Variants in KIAA1217 observed in about 807,000 individuals in gnomAD.
KIAA1217 encodes KIAA1217, also known as sickle tail protein homolog.
KIAA1217 carries 88 observed loss-of-function variants against 163.9 expected under a neutral mutation model. The observed-to-expected ratio is 0.54, with a 90% CI of 0.45 to 0.64. KIAA1217 has a LOEUF of 0.64. Ranked by LOEUF, KIAA1217 falls within the 30% of genes least tolerant of loss-of-function variation. KIAA1217 has a pLI of 0.00. For synonymous variants in KIAA1217, 903 were observed against 923.1 expected, an observed-to-expected ratio of 0.98 and a Z score of 0.39; for missense variants, 2,372 against 2,475.0, an observed-to-expected ratio of 0.96 and a Z score of 0.88.
At chr10:24,229,882 T>C (rs539067653) in intron 2 of KIAA1217, among the ~76,000 whole-genome samples, 1 of 152,270 alleles carries the variant, frequency 6.6e-6, no homozygotes, top group South Asian at 2.1e-4. Flanking sequence ...AAATCTAGTA[T>C]ACTGTGTGCA....
chr10:24,348,865 G>A (rs1353833435), intron 2 of KIAA1217, among the ~76,000 whole-genome samples: 1 of 152,094 alleles, frequency 6.6e-6, no homozygotes, highest in Non-Finnish European at 1.5e-5. Flanking sequence ...AACAGCTGGG[G>A]GCTGGGCACA....
intron 2 of KIAA1217, among the ~76,000 whole-genome samples, chr10:24,231,179 G>A (rs937987706): frequency 6.6e-6 from 1 of 152,186 alleles, no homozygotes; most frequent in Non-Finnish European, 1.5e-5. Context: ...AAGCAGTAGT[G>A]TGCCTGCCTG....
chr10:23,818,005 A>G lies in KIAA1217; in HGVS notation c.-321+122771A>G, dbSNP rs1397443224. On this transcript the variant is annotated intron_variant, in intron 1 of 18. Transcript: ENST00000376462. Reference sequence around the variant, plus strand: ...TATATATATATATATATATATATATATATACACACATATATATACACACAT... The same window carrying G: ...TATATATATATATATATATATATATGTATACACACATATATATACACACAT... Among the ~76,000 whole-genome samples, 2 of 111,918 alleles carry G rather than the reference A, an allele frequency of 1.8e-5. 1 individual carries two copies. Among genetic ancestry groups the G allele is most frequent in the Middle Eastern group, 8.6e-3 (2 of 232 alleles). The allele number at this position is 111,918 out of a possible 152,430, so 73.4% of individuals were successfully genotyped here. A position where few individuals can be genotyped will look rare whatever the true frequency, so the allele number is the denominator to read the frequency against.
At chr10:24,037,239 G>T (rs1848431237) in intron 2 of KIAA1217, among the ~76,000 whole-genome samples, 1 of 152,172 alleles carries the variant, frequency 6.6e-6, no homozygotes, top group Admixed American at 6.5e-5. Context: ...GCCAAGGCAG[G>T]AGGATCACCT....
intron 1 of KIAA1217, among the ~76,000 whole-genome samples, chr10:23,893,158 A>C (rs1389010474): frequency 6.6e-6 from 1 of 151,958 alleles, no homozygotes; most frequent in African/African-American, 2.4e-5. Flanking sequence ...GATTATTGTC[A>C]CAATTTCAGA....
intron 1 of KIAA1217, among the ~76,000 whole-genome samples, chr10:24,006,965 G>T (rs1484775014): frequency 6.6e-6 from 1 of 152,104 alleles, no homozygotes; most frequent in African/African-American, 2.4e-5. Context: ...TGACTTAGTC[G>T]AATGTGTTTA....
At chr10:24,177,298 T>TAA (rs58744670) in intron 2 of KIAA1217, among the ~76,000 whole-genome samples, 1 of 68,616 alleles carries the variant, frequency 1.5e-5, no homozygotes, top group South Asian at 5.6e-4. Flanking sequence ...TATATATATA[T>TAA]TACAATTTCT....
At chr10:23,906,747 G>T (rs951357564) in intron 1 of KIAA1217, among the ~76,000 whole-genome samples, 1 of 152,114 alleles carries the variant, frequency 6.6e-6, no homozygotes, top group Non-Finnish European at 1.5e-5. Context: ...TACTGCTGGA[G>T]CTCTCATAGG....
At chr10:24,149,772 G>A (rs532236991) in intron 2 of KIAA1217, among the ~76,000 whole-genome samples, 1 of 152,176 alleles carries the variant, frequency 6.6e-6, no homozygotes, top group African/African-American at 2.4e-5. Flanking sequence ...CAACACAAAA[G>A]AGATAAATAT....
intron 2 of KIAA1217, among the ~76,000 whole-genome samples, chr10:24,294,208 A>AG (rs2079443428): frequency 6.6e-6 from 1 of 151,492 alleles, no homozygotes; most frequent in African/African-American, 2.4e-5. Flanking sequence ...AAAAAAAAAA[A>AG]AAAAAGAAAT....
chr10:24,370,264 CAAAAAA>C (rs5783891), intron 2 of KIAA1217, among the ~76,000 whole-genome samples: 1 of 73,428 alleles, frequency 1.4e-5, no homozygotes, highest in Non-Finnish European at 2.6e-5. Flanking sequence ...GACTCTGTCT[CAAAAAA>C]AAAAAAAAAA....
At chr10:23,947,611 G>T (rs1169533461) in intron 1 of KIAA1217, among the ~76,000 whole-genome samples, 1 of 152,130 alleles carries the variant, frequency 6.6e-6, no homozygotes, top group Non-Finnish European at 1.5e-5. Flanking sequence ...TGACATCACA[G>T]GAGCAAACTG....
chr10:23,750,956 C>T (rs1451587255), intron 1 of KIAA1217, among the ~76,000 whole-genome samples: 1 of 150,410 alleles, frequency 6.6e-6, no homozygotes. Flanking sequence ...CCCTTCCCTT[C>T]CCCTCCCCTC....
At chr10:24,480,628 A>G (rs2064561934) in intron 6 of KIAA1217, among the ~76,000 whole-genome samples, 1 of 152,178 alleles carries the variant, frequency 6.6e-6, no homozygotes, top group Non-Finnish European at 1.5e-5. Flanking sequence ...AGCCTGGGAT[A>G]TACTAAGTGG....
intron 2 of KIAA1217, among the ~76,000 whole-genome samples, chr10:24,246,924 G>A (rs1465564548): frequency 1.3e-5 from 2 of 151,698 alleles, no homozygotes; most frequent in African/African-American, 4.8e-5. Context: ...TGAGGCAGGA[G>A]AATCACTGGA....
chr10:24,115,388 A>G (rs12261141), intron 2 of KIAA1217, among the ~76,000 whole-genome samples: 9,764 of 152,292 alleles, frequency 0.064, 901 homozygotes, highest in African/African-American at 0.2. Flanking sequence ...TAGGAAAATT[A>G]AAGCAGAGAG....
Position 24,307,705 on chromosome 10 carries a change from G to A in KIAA1217, c.355-73164G>A, listed in dbSNP as rs571253377. Among the ~76,000 whole-genome samples, 25 of 152,152 alleles carry A rather than the reference G, an allele frequency of 1.6e-4. 1 individual carries two copies. The highest frequency in any genetic ancestry group is 8.5e-4 in the Admixed American group (13 of 15,288). Reference sequence around the variant, plus strand: ...GCTGAGGCTGGAGGATTGCTTGAGCGTAAGAGGTCGGGGCTACATTGAGCC... The same window carrying A: ...GCTGAGGCTGGAGGATTGCTTGAGCATAAGAGGTCGGGGCTACATTGAGCC... On this transcript the variant is annotated intron_variant, in intron 2 of 20. Coordinates refer to ENST00000376454, the MANE Select transcript of KIAA1217 (RefSeq NM_019590.5).
At position 24,453,866 on chromosome 10, in the gene KIAA1217, G is replaced by A. The variant is rs767213935; in HGVS notation, c.846+15387G>A. On this transcript the variant is annotated intron_variant, in intron 5 of 20. Transcript: ENST00000376454. ...AGTCACAACTATAATTCTTAGTCAC[G>A]ACTAAGGAGAGAAAAAGTCAATTTA... Among the ~76,000 whole-genome samples, 47 of 152,104 alleles carry A rather than the reference G, an allele frequency of 3.1e-4. 1 individual carries two copies. The highest frequency in any genetic ancestry group is 5.1e-4 in the Non-Finnish European group (35 of 68,022).
chr10:24,464,316 G>T (rs1469713128), intron 5 of KIAA1217, among the ~76,000 whole-genome samples: 1 of 152,168 alleles, frequency 6.6e-6, no homozygotes, highest in African/African-American at 2.4e-5. Context: ...CAGTGCCCTG[G>T]AGCATTTTGA....
Sources: gnomAD v4.1 joint callset for allele counts (sites outside exome capture counted in the v4.1 genomes callset) on GRCh38, gnomAD v4.1.1 for gene constraint, MANE v1.5 for transcripts, NCBI Gene and HGNC (gene_info 2026-07-23, HGNC 2026-07-21) for gene names.